The following TANC2 variants were observed in gnomAD, a reference collection of about 807,000 sequenced individuals.
TANC2 encodes the protein protein TANC2.
Under a neutral mutation model 210.5 loss-of-function variants are expected in TANC2, and 26 were observed. The ratio of observed to expected loss-of-function variants is 0.12; its 90% CI spans 0.09 to 0.17. The LOEUF is 0.17. Among genes scored for constraint, TANC2 ranks in the 10% least tolerant of loss-of-function variants. TANC2 has a pLI of 1.00. For synonymous variants in TANC2, 931 were observed against 967.1 expected (o/e 0.96, Z 0.69); for missense variants, 2,129 against 2,608.9 (o/e 0.82, Z 4.01).
chr17:62,995,218 A>T (rs1275301655), intron 1 of TANC2, among the ~76,000 whole-genome samples: 2 of 152,082 alleles, frequency 1.3e-5, no homozygotes, highest in African/African-American at 4.8e-5. Context: ...GCTGGCTCAC[A>T]TTGTTTCCTG....
chr17:63,108,686 G>A (rs2054639257), intron 4 of TANC2, among the ~76,000 whole-genome samples: 1 of 151,624 alleles, frequency 6.6e-6, no homozygotes, highest in Admixed American at 6.6e-5. Flanking sequence ...TCATGTGCCT[G>A]TAGTCCCAGC....
chr17:63,091,124 G>A (rs1181684170), intron 3 of TANC2, among the ~76,000 whole-genome samples: 1 of 121,544 alleles, frequency 8.2e-6, no homozygotes, highest in Non-Finnish European at 1.8e-5. Context: ...TTTGTCAGAT[G>A]AGTAGATTGC....
intron 1 of TANC2, among the ~76,000 whole-genome samples, chr17:63,000,504 C>T (rs2033324310): frequency 6.6e-6 from 1 of 152,052 alleles, no homozygotes; most frequent in Non-Finnish European, 1.5e-5. Flanking sequence ...CCTTAGTGGA[C>T]CATTAAGAAG....
chr17:63,163,992 TAGTA>T (rs1305602490), intron 5 of TANC2, among the ~76,000 whole-genome samples: 19 of 151,738 alleles, frequency 1.3e-4, no homozygotes, highest in South Asian at 6.2e-4. Context: ...ATTTTTTAAA[TAGTA>T]GTAGTAGGGA....
At chr17:63,209,422 GTTTGTTTGTTTGT>G (rs1052428848) in intron 7 of TANC2, among the ~76,000 whole-genome samples, 74 of 151,544 alleles carry the variant, frequency 4.9e-4, no homozygotes, top group African/African-American at 1.6e-3. Flanking sequence ...AATCCTTTTT[GTTTGTTTGTTTGT>G]TTTGTTTGTT....
At chr17:63,006,357 A>T (rs1349007428) in intron 1 of TANC2, among the ~76,000 whole-genome samples, 5 of 152,004 alleles carry the variant, frequency 3.3e-5, no homozygotes, top group Admixed American at 2.0e-4. Context: ...AGAAGCTTAG[A>T]TACTGATTTT....
chr17:63,125,579 C>T (rs1462337235), intron 4 of TANC2, among the ~76,000 whole-genome samples: 3 of 152,074 alleles, frequency 2.0e-5, no homozygotes, highest in African/African-American at 7.2e-5. Flanking sequence ...GTGGTGTCCT[C>T]TCCTGATAAC....
chr17:63,338,460 G>T (rs1303371866), intron 11 of TANC2, among the ~76,000 whole-genome samples: 1 of 152,198 alleles, frequency 6.6e-6, no homozygotes, highest in African/African-American at 2.4e-5. Context: ...GCCTCAACAT[G>T]TGGAATCAAT....
intron 12 of TANC2, among the ~76,000 whole-genome samples, chr17:63,345,479 CGTG>C (rs1224215921): frequency 1.1e-4 from 17 of 152,070 alleles, no homozygotes; most frequent in Admixed American, 1.1e-3. Flanking sequence ...GTTAGCCGGG[CGTG>C]GTGGCACATG....
intron 5 of TANC2, among the ~76,000 whole-genome samples, chr17:63,178,060 G>T (rs1027701038): frequency 6.6e-6 from 1 of 152,184 alleles, no homozygotes; most frequent in Admixed American, 6.5e-5. Context: ...GGCCAGGTGC[G>T]GTGGCTCACG....
At chr17:63,193,096 T>A (rs1408663327) in intron 5 of TANC2, among the ~76,000 whole-genome samples, 1 of 152,196 alleles carries the variant, frequency 6.6e-6, no homozygotes, top group African/African-American at 2.4e-5. Context: ...TTTTGCCTTT[T>A]CATTTTATCA....
intron 11 of TANC2, among the ~76,000 whole-genome samples, chr17:63,337,226 G>A (rs1317841708): frequency 6.6e-6 from 1 of 152,078 alleles, no homozygotes; most frequent in Non-Finnish European, 1.5e-5. Flanking sequence ...GAATGCCAAA[G>A]AAATATCTAA....
intron 4 of TANC2, among the ~76,000 whole-genome samples, chr17:63,113,056 T>G (rs910328332): frequency 7.2e-5 from 11 of 152,176 alleles, no homozygotes; most frequent in African/African-American, 2.7e-4. Flanking sequence ...ATGTGGAATT[T>G]AAGGGCTAAA....
At chr17:63,259,134 C>A (rs1418346003) in intron 8 of TANC2, among the ~76,000 whole-genome samples, 1 of 152,146 alleles carries the variant, frequency 6.6e-6, no homozygotes, top group African/African-American at 2.4e-5. Flanking sequence ...GAGCTAGGGC[C>A]CGAAATAGGG....
chr17:63,079,146 TG>T (rs777022888), intron 3 of TANC2, among the ~76,000 whole-genome samples: 2 of 152,178 alleles, frequency 1.3e-5, no homozygotes, highest in Non-Finnish European at 2.9e-5. Flanking sequence ...GGAACAGGGC[TG>T]GATGAGAAAG....
intron 5 of TANC2, among the ~76,000 whole-genome samples, chr17:63,166,453 C>T (rs910980886): frequency 2.0e-5 from 3 of 152,074 alleles, no homozygotes; most frequent in Non-Finnish European, 4.4e-5. Flanking sequence ...GGAACAAAGG[C>T]AAATAGTTAG....
At chr17:63,105,514 C>T (rs1338823002) in intron 4 of TANC2, among the ~76,000 whole-genome samples, 1 of 151,588 alleles carries the variant, frequency 6.6e-6, no homozygotes, top group East Asian at 1.9e-4. Context: ...ACTTATCCTG[C>T]AATTTTTGAA....
At chr17:63,248,931 TA>T (rs1488609683) in intron 8 of TANC2, among the ~76,000 whole-genome samples, 1 of 152,136 alleles carries the variant, frequency 6.6e-6, no homozygotes, top group Non-Finnish European at 1.5e-5. Context: ...GAAATATATA[TA>T]GTGAAAATTT....
chr17:63,245,731 A>G (rs1211496629), intron 8 of TANC2, among the ~76,000 whole-genome samples: 2 of 151,598 alleles, frequency 1.3e-5, no homozygotes, highest in African/African-American at 4.9e-5. Context: ...AATCCCAGCT[A>G]CTCGGGAGGC....
Sources: gnomAD v4.1 joint callset for allele counts (sites outside exome capture counted in the v4.1 genomes callset) on GRCh38, gnomAD v4.1.1 for gene constraint, MANE v1.5 for transcripts, NCBI Gene and HGNC (gene_info 2026-07-23, HGNC 2026-07-21) for gene names.